Variants in SYT2 observed in about 807,000 individuals in gnomAD.
The protein encoded by SYT2 is synaptotagmin 2.
A neutral mutation model predicts 39.9 loss-of-function variants in SYT2; 15 were observed. The ratio of observed to expected loss-of-function variants is 0.38; its 90% confidence interval spans 0.25 to 0.58. The LOEUF (loss-of-function observed/expected upper bound fraction) is 0.58. Ranked by LOEUF, SYT2 falls within the 20% of genes least tolerant of loss-of-function variation. The probability of loss-of-function intolerance (pLI) is 0.70; values close to 1 mark genes in which losing one functional copy is unlikely to be tolerated. For missense variants in SYT2, 389 were observed against 530.3 expected, an observed-to-expected ratio of 0.73 and a Z score of 2.62; for synonymous variants, 181 against 204.5, an observed-to-expected ratio of 0.89 and a Z score of 0.98.
intron 1 of SYT2, among the ~76,000 whole-genome samples, chr1:202,610,418 AG>A (rs1690854655): frequency 6.6e-6 from 1 of 152,250 alleles, no homozygotes; most frequent in South Asian, 2.1e-4. Context: ...GGCACAAGAC[AG>A]GGATGCCCCC....
intron 1 of SYT2, among the ~76,000 whole-genome samples, chr1:202,691,813 G>A (rs1653844215): frequency 6.7e-6 from 1 of 149,290 alleles, no homozygotes; most frequent in African/African-American, 2.5e-5. Flanking sequence ...AAAGGAGCTG[G>A]AGAATAGAGG....
intron 1 of SYT2, among the ~76,000 whole-genome samples, chr1:202,703,231 C>T (rs1219929451): frequency 6.6e-6 from 1 of 152,096 alleles, no homozygotes; most frequent in Non-Finnish European, 1.5e-5. Flanking sequence ...AAAATGAGCA[C>T]CACCTCTTTG....
At position 202,603,097 on chromosome 1, in the gene SYT2, C is replaced by G; in HGVS notation, c.367G>C (p.Gly123Arg). ...CCTTCACCTTCCCCCTCAGTCAGGCCTGTCTCTGCGTCGTCGTCATCCTGT... is the reference window on the plus strand; with the variant it reads ...CCTTCACCTTCCCCCTCAGTCAGGCGTGTCTCTGCGTCGTCGTCATCCTGT... ...GGQDDDDAETGLTEGEGEGEE... is the reference protein window; with the variant it reads ...GGQDDDDAETRLTEGEGEGEE... The change falls in exon 4 of 9, where the codon GGC (glycine) becomes CGC (arginine). Residue 123 changes from glycine to arginine, a missense_variant. By Grantham distance (125) the Gly-to-Arg change is moderately radical. Around this residue, in one of 4 missense-constraint regions of SYT2, gnomAD observed 280 missense variants for 335.6 expected, o/e 0.83. Transcript: ENST00000367268. 6.2e-7 allele frequency: 1 copy of G among 1,614,152 alleles called. No individual in the cohort carries two copies. Among genetic ancestry groups the G allele is most frequent in the African/African-American group, 1.3e-5 (1 of 75,038 alleles).
intron 1 of SYT2, among the ~76,000 whole-genome samples, chr1:202,668,001 G>A (rs569574003): frequency 2.6e-5 from 4 of 152,174 alleles, no homozygotes; most frequent in African/African-American, 4.8e-5. Context: ...GTGAGCCATC[G>A]CGCCCGGCCC....
At chr1:202,688,774 G>A (rs1653738207) in intron 1 of SYT2, among the ~76,000 whole-genome samples, 1 of 152,194 alleles carries the variant, frequency 6.6e-6, no homozygotes, top group African/African-American at 2.4e-5. Flanking sequence ...GATGGTTGAG[G>A]GCACTGGCCC....
At chr1:202,685,972 C>T (rs529056344) in intron 1 of SYT2, among the ~76,000 whole-genome samples, 122 of 151,994 alleles carry the variant, frequency 8.0e-4, no homozygotes, top group African/African-American at 2.8e-3. Context: ...AGTGCTCCTG[C>T]CAGGAAACCC....
intron 8 of SYT2, 120 bp from the exon 9 acceptor site, chr1:202,597,083 G>A: frequency 1.3e-6 from 1 of 799,194 alleles, no homozygotes. Flanking sequence ...GGGGCTCCTT[G>A]GTTTCATCTC....
At chr1:202,674,776 GCT>G (rs1553342064) in intron 1 of SYT2, among the ~76,000 whole-genome samples, 1 of 152,054 alleles carries the variant, frequency 6.6e-6, no homozygotes, top group Non-Finnish European at 1.5e-5. Flanking sequence ...CCGCAGCTCT[GCT>G]CTCTCACCTT....
chr1:202,697,913 C>T (rs2149120214), intron 1 of SYT2, among the ~76,000 whole-genome samples: 1 of 152,314 alleles, frequency 6.6e-6, no homozygotes, highest in East Asian at 1.9e-4. Context: ...CCTCCAAGCA[C>T]TTCCACACTC....
chr1:202,691,732 GGAGAGAGAGAGAGA>G (rs1164044356), intron 1 of SYT2, among the ~76,000 whole-genome samples: 2 of 8,320 alleles, frequency 2.4e-4, no homozygotes, highest in South Asian at 7.8e-3. Context: ...GGAGAGGGGG[GGAGAGAGAGAGAGA>G]GAGAGAGAGA....
intron 1 of SYT2, among the ~76,000 whole-genome samples, chr1:202,652,370 T>A (rs1212613148): frequency 2.0e-5 from 3 of 152,228 alleles, no homozygotes; most frequent in Non-Finnish European, 4.4e-5. Flanking sequence ...TCAGCCTCTG[T>A]CTTCACTGTT....
chr1:202,710,050 C>T (rs946943169), intron 1 of SYT2, among the ~76,000 whole-genome samples: 5 of 152,046 alleles, frequency 3.3e-5, no homozygotes, highest in African/African-American at 1.2e-4. Context: ...CCCTCGGGTC[C>T]GACTCCCCGA....
Position 202,604,641 on chromosome 1 carries a change from C to T in SYT2, c.179-20G>A. The T allele has an allele frequency of 6.2e-7, 1 of 1,610,656 alleles. No individual in the cohort carries two copies. The highest frequency in any genetic ancestry group is 1.1e-5 in the South Asian group (1 of 90,724). ...GTGGTACTGCCCACACAGAGAAGATCCCAGGGTCAGCAGTGCCATGCCTTG... is the reference window on the plus strand; with the variant it reads ...GTGGTACTGCCCACACAGAGAAGATTCCAGGGTCAGCAGTGCCATGCCTTG... On this transcript the variant is annotated intron_variant, in intron 2 of 8. Transcript: ENST00000367268.
chr1:202,701,008 T>A (rs1301476214), intron 1 of SYT2, among the ~76,000 whole-genome samples: 1 of 152,236 alleles, frequency 6.6e-6, no homozygotes, highest in African/African-American at 2.4e-5. Flanking sequence ...TTCGAAGATA[T>A]TGGCTTGCCG....
chr1:202,679,912 T>C (rs533739946), intron 1 of SYT2, among the ~76,000 whole-genome samples: 3 of 152,334 alleles, frequency 2.0e-5, no homozygotes, highest in Non-Finnish European at 2.9e-5. Flanking sequence ...CTGTCATCCA[T>C]GTTGCTTTCT....
intron 1 of SYT2, among the ~76,000 whole-genome samples, chr1:202,708,515 G>T (rs1654307801): frequency 6.6e-6 from 1 of 152,084 alleles, no homozygotes; most frequent in Non-Finnish European, 1.5e-5. Context: ...CAGCCAAGCA[G>T]AGCAGAGGCA....
intron 1 of SYT2, among the ~76,000 whole-genome samples, chr1:202,625,313 TGTGTGTGTG>T (rs1190731731): frequency 5.5e-5 from 6 of 109,592 alleles, no homozygotes; most frequent in Non-Finnish European, 8.9e-5. Context: ...GTCTGTGTGG[TGTGTGTGTG>T]GTGTGTGTGG....
intron 1 of SYT2, chr1:202,639,675 C>T: frequency 1.0e-6 from 1 of 985,466 alleles, no homozygotes. Flanking sequence ...AGCCTTTTGT[C>T]AGCCACACTT....
At chr1:202,638,831 C>T (rs1162246145) in intron 1 of SYT2, among the ~76,000 whole-genome samples, 1 of 152,202 alleles carries the variant, frequency 6.6e-6, no homozygotes, top group Non-Finnish European at 1.5e-5. Context: ...GACTTTCTTT[C>T]ACTCAGCCTT....
Sources: gnomAD v4.1 joint callset for allele counts (sites outside exome capture counted in the v4.1 genomes callset) on GRCh38, gnomAD v4.1.1 for gene constraint, gnomAD v4.1.1 regional missense constraint, MANE v1.5 for transcripts, NCBI Gene and HGNC (gene_info 2026-07-23, HGNC 2026-07-21) for gene names.